TSPAN5: variants seen among roughly 807,000 people sequenced by gnomAD.
TSPAN5 encodes the protein tetraspanin 5, also known as tetraspanin-5.
TSPAN5 carries 10 observed loss-of-function variants against 37.1 expected under a neutral mutation model. The ratio of observed to expected loss-of-function variants is 0.27; its 90% CI spans 0.17 to 0.46. The LOEUF (loss-of-function observed/expected upper bound fraction) is 0.46, where lower values mean the gene tolerates loss of function less well. Among genes scored for constraint, TSPAN5 ranks in the 20% least tolerant of loss-of-function variants. TSPAN5 has a pLI of 1.00. For missense variants in TSPAN5, 195 were observed against 326.6 expected (o/e 0.60, Z 3.11); for synonymous variants, 110 against 118.9 (o/e 0.93, Z 0.48).
Position 98,501,362 on chromosome 4 carries a change from T to C in TSPAN5, c.132+6316A>G, listed in dbSNP as rs78313218. ...ATGACATAGCCAGTGTTTTAAAGAATGCTGTCATTGCTCATTTGCTCATTC... is the reference window on the plus strand; with the variant it reads ...ATGACATAGCCAGTGTTTTAAAGAACGCTGTCATTGCTCATTTGCTCATTC... On this transcript the variant is annotated intron_variant, in intron 2 of 7. Transcript: ENST00000305798. 4.8e-3 allele frequency among the ~76,000 whole-genome samples: 735 copies of C among 152,326 alleles called. 2 individuals are homozygous for C. Among genetic ancestry groups the C allele is most frequent in the African/African-American group, 0.017 (713 of 41,568 alleles).
chr4:98,491,240 T>A (rs1337809078), intron 2 of TSPAN5, among the ~76,000 whole-genome samples: 2 of 152,172 alleles, frequency 1.3e-5, no homozygotes, highest in Admixed American at 1.3e-4. Flanking sequence ...TTATTAGCCA[T>A]CATCACTACC....
At chr4:98,623,068 C>A (rs906585449) in intron 1 of TSPAN5, among the ~76,000 whole-genome samples, 2 of 151,992 alleles carry the variant, frequency 1.3e-5, no homozygotes, top group Admixed American at 6.6e-5. Flanking sequence ...TTTTAAAATT[C>A]CTTTCCTTTT....
chr4:98,505,722 C>T (rs1249569789), intron 2 of TSPAN5, among the ~76,000 whole-genome samples: 2 of 152,212 alleles, frequency 1.3e-5, no homozygotes, highest in African/African-American at 4.8e-5. Flanking sequence ...TTGTCGTATT[C>T]CCCACACTCA....
At chr4:98,562,393 T>A (rs1421336071) in intron 1 of TSPAN5, among the ~76,000 whole-genome samples, 2 of 152,110 alleles carry the variant, frequency 1.3e-5, no homozygotes, top group Non-Finnish European at 2.9e-5. Context: ...CCGGGTGCGG[T>A]GGCTCACACC....
intron 1 of TSPAN5, among the ~76,000 whole-genome samples, chr4:98,598,700 G>A (rs539637758): frequency 3.3e-5 from 5 of 152,146 alleles, no homozygotes; most frequent in East Asian, 1.9e-4. Flanking sequence ...AAGCTCAAGC[G>A]ATCCATCCAC....
chr4:98,609,750 ATTATCTGTC>A, intron 1 of TSPAN5, among the ~76,000 whole-genome samples: 1 of 152,242 alleles, frequency 6.6e-6, no homozygotes, highest in Middle Eastern at 3.4e-3. Context: ...TGGTCAAGGC[ATTATCTGTC>A]CCTTACCTAG....
At chr4:98,559,365 GAC>G (rs1754827815) in intron 1 of TSPAN5, among the ~76,000 whole-genome samples, 1 of 152,182 alleles carries the variant, frequency 6.6e-6, no homozygotes, top group Non-Finnish European at 1.5e-5. Context: ...GTGATATAAT[GAC>G]GGGGAAAAGT....
Position 98,617,554 on chromosome 4 carries a change from G to A in TSPAN5, c.81+40592C>T, listed in dbSNP as rs187961571. On this transcript the variant is annotated intron_variant, in intron 1 of 7. Coordinates refer to ENST00000305798, the MANE Select transcript of TSPAN5 (RefSeq NM_005723.4). Reference sequence around the variant, plus strand: ...GCCAGAACTCAGGCTGATCAGTGTAGGGGATGCATGTATCCTTGGCTCCCA... The same window carrying A: ...GCCAGAACTCAGGCTGATCAGTGTAAGGGATGCATGTATCCTTGGCTCCCA... 1.5e-4 allele frequency among the ~76,000 whole-genome samples: 23 copies of A among 152,312 alleles called. No individual in the cohort carries two copies. In the East Asian group the frequency reaches 3.5e-3, roughly 23 times the overall value.
chr4:98,488,859 C>G (rs1236641342), intron 2 of TSPAN5, among the ~76,000 whole-genome samples: 3 of 152,068 alleles, frequency 2.0e-5, no homozygotes, highest in Non-Finnish European at 4.4e-5. Context: ...TTGAGACCAG[C>G]CTGGGCAGTA....
At position 98,482,121 on chromosome 4, in the gene TSPAN5, C is replaced by A; in HGVS notation, c.334G>T (p.Ala112Ser). The A allele has an allele frequency of 1.9e-6, 3 of 1,614,134 alleles. No homozygotes were observed. Among genetic ancestry groups the A allele is most frequent in the Non-Finnish European group, 2.5e-6 (3 of 1,179,994 alleles). The part of the protein sequence containing the change: ...FFLELTAGVL[A>S]FVFKDWIKDQ... ...TTGATCCAGTCTTTGAAAACAAATG[C>A]TAGAACTCCGGCAGTGAGCTCCAGG... The change falls in exon 4 of 8, where the codon GCA becomes TCA. Residue 112 changes from alanine (A) to serine (S), a missense_variant. By Grantham distance (99) the Ala-to-Ser change is moderately conservative. Transcript: ENST00000305798.
chr4:98,570,715 A>G (rs2110181369), intron 1 of TSPAN5, among the ~76,000 whole-genome samples: 1 of 152,290 alleles, frequency 6.6e-6, no homozygotes, highest in South Asian at 2.1e-4. Context: ...GAAAGTATCC[A>G]CATGAAGCCA....
chr4:98,506,646 A>G (rs913516679), intron 2 of TSPAN5, among the ~76,000 whole-genome samples: 4 of 152,176 alleles, frequency 2.6e-5, no homozygotes, highest in African/African-American at 7.2e-5. Flanking sequence ...TTACCACTTC[A>G]AAGGAACTCT....
intron 1 of TSPAN5, among the ~76,000 whole-genome samples, chr4:98,564,776 G>C (rs1031584706): frequency 2.0e-5 from 3 of 151,754 alleles, no homozygotes; most frequent in African/African-American, 7.3e-5. Context: ...CTCACTGCAG[G>C]CTTCGCCCCC....
At chr4:98,509,904 T>C (rs927609706) in intron 1 of TSPAN5, 1 of 152,184 alleles carries the variant, frequency 6.6e-6, no homozygotes, top group Non-Finnish European at 1.5e-5. Context: ...TTCAACCCAT[T>C]GACATCAAAC....
chr4:98,486,996 C>T (rs1752976855), intron 2 of TSPAN5, 112 bp from the exon 3 acceptor site: 1 of 1,023,126 alleles, frequency 9.8e-7, no homozygotes, highest in Non-Finnish European at 1.4e-6. Context: ...CTTCAGAGGG[C>T]ATCTGATTAT....
At chr4:98,536,673 C>A (rs1754240351) in intron 1 of TSPAN5, among the ~76,000 whole-genome samples, 1 of 152,256 alleles carries the variant, frequency 6.6e-6, no homozygotes, top group African/African-American at 2.4e-5. Flanking sequence ...GGGGCTGCTA[C>A]CTTTTTGTCA....
chr4:98,555,171 T>C (rs556853200), intron 1 of TSPAN5, among the ~76,000 whole-genome samples: 2 of 152,314 alleles, frequency 1.3e-5, no homozygotes, highest in South Asian at 4.1e-4. Context: ...TTTCTTCAGT[T>C]TGTGAAAATC....
chr4:98,503,139 C>G (rs1415118619), intron 2 of TSPAN5, among the ~76,000 whole-genome samples: 1 of 151,960 alleles, frequency 6.6e-6, no homozygotes, highest in Non-Finnish European at 1.5e-5. Flanking sequence ...TGGAATCCTG[C>G]AACTGCCTAT....
chr4:98,612,988 TC>T (rs1411593519), intron 1 of TSPAN5, among the ~76,000 whole-genome samples: 1 of 152,204 alleles, frequency 6.6e-6, no homozygotes, highest in Non-Finnish European at 1.5e-5. Context: ...TATGGTTTTT[TC>T]CCCCTGCAGT....
Sources: allele counts gnomAD v4.1 joint callset (sites outside exome capture counted in the v4.1 genomes callset), GRCh38; gene constraint gnomAD v4.1.1; transcripts MANE v1.5; gene names NCBI Gene and HGNC (gene_info 2026-07-23, HGNC 2026-07-21).